The following ADAMTS17 variants were observed in gnomAD, a reference collection of about 807,000 sequenced individuals.
ADAMTS17 encodes the protein ADAM metallopeptidase with thrombospondin type 1 motif 17.
A neutral mutation model predicts 141.5 loss-of-function variants in ADAMTS17; 113 were observed. That is an observed-to-expected ratio of 0.80 (90% CI 0.69 to 0.93). ADAMTS17 has a LOEUF of 0.93. ADAMTS17 is among the 40% of genes least tolerant of loss of function. The pLI, the probability that ADAMTS17 is intolerant of heterozygous loss-of-function variation, is 0.00. For missense variants in ADAMTS17, 1,659 were observed against 1,517.9 expected, an observed-to-expected ratio of 1.09 and a Z score of -1.54; for synonymous variants, 768 against 630.6, an observed-to-expected ratio of 1.22 and a Z score of -3.27.
chr15:100,299,699 T>C (rs1228293165), intron 3 of ADAMTS17, among the ~76,000 whole-genome samples: 2 of 152,176 alleles, frequency 1.3e-5, no homozygotes, highest in East Asian at 1.9e-4. Context: ...TGGTCTTTCA[T>C]CTTTGACAAG....
At chr15:100,190,952 C>T (rs552384927) in intron 8 of ADAMTS17, among the ~76,000 whole-genome samples, 30 of 152,270 alleles carry the variant, frequency 2.0e-4, no homozygotes, top group South Asian at 8.3e-4. Flanking sequence ...GGCCACATAG[C>T]GCCGTGGGAA....
chr15:100,084,129 G>C (rs377552688), intron 15 of ADAMTS17, among the ~76,000 whole-genome samples: 1 of 152,048 alleles, frequency 6.6e-6, no homozygotes, highest in Admixed American at 6.5e-5. Flanking sequence ...CTGGAAAATC[G>C]GGTCACTCCC....
intron 7 of ADAMTS17, among the ~76,000 whole-genome samples, chr15:100,225,988 T>G (rs964015417): frequency 7.0e-6 from 1 of 143,454 alleles, no homozygotes; most frequent in Non-Finnish European, 1.5e-5. Flanking sequence ...TCAGTCCTTA[T>G]AGCAGTCATA....
chr15:100,099,876 C>T (rs962425897), intron 14 of ADAMTS17, among the ~76,000 whole-genome samples: 1 of 152,162 alleles, frequency 6.6e-6, no homozygotes, highest in African/African-American at 2.4e-5. Flanking sequence ...GAGGAGGGCA[C>T]AGGATGGGCC....
rs187948570 is a variant in ADAMTS17, at chr15:100,319,167, G to A, written c.616+11722C>T. 5.0e-3 allele frequency among the ~76,000 whole-genome samples: 760 copies of A among 152,326 alleles called. 6 individuals are homozygous for A. The highest frequency in any genetic ancestry group is 0.01 in the Middle Eastern group (3 of 294). On this transcript the variant is annotated intron_variant, in intron 3 of 21. Coordinates refer to ENST00000268070, the MANE Select transcript of ADAMTS17 (RefSeq NM_139057.4). ...CCAAAGAGGGTAGAATAGCACTGGGGGCAGGGGGTGGCCTTGAGCCAAGGC... is the reference window on the plus strand; with the variant it reads ...CCAAAGAGGGTAGAATAGCACTGGGAGCAGGGGGTGGCCTTGAGCCAAGGC...
intron 2 of ADAMTS17, among the ~76,000 whole-genome samples, chr15:100,336,449 T>C (rs1893089572): frequency 6.6e-6 from 1 of 152,230 alleles, no homozygotes; most frequent in African/African-American, 2.4e-5. Context: ...TCTTTGCCCT[T>C]CTTCCATTCC....
At position 100,116,936 on chromosome 15, in the gene ADAMTS17, C is replaced by G; in HGVS notation, c.1799G>C (p.Gly600Ala). ...CTGCTGGTCCCGGAAGCTGGGCAGA[C>G]CCTTGGGGCAGGGCAGGTTCTCGCA... ...AVCENLPCPKGLPSFRDQQCQ... is the reference protein window; with the variant it reads ...AVCENLPCPKALPSFRDQQCQ... The change falls in exon 13 of 22, where the codon GGT becomes GCT. Residue 600 changes from glycine to alanine, a missense_variant. Gly to Ala is a moderately conservative substitution (Grantham distance 60, BLOSUM62 0). Coordinates refer to ENST00000268070, the MANE Select transcript of ADAMTS17 (RefSeq NM_139057.4). 1.2e-6 allele frequency: 2 copies of G among 1,614,150 alleles called. No homozygotes were observed. Among genetic ancestry groups the G allele is most frequent in the Non-Finnish European group, 1.7e-6 (2 of 1,180,034 alleles).
chr15:100,080,971 G>C (rs8033796), intron 15 of ADAMTS17, among the ~76,000 whole-genome samples: 1,760 of 152,258 alleles, frequency 0.012, 40 homozygotes, highest in African/African-American at 0.041. Flanking sequence ...GGGTGGACTT[G>C]TGATGGTTGA....
In ADAMTS17 at chr15:99,975,861, T is replaced by C. The variant is rs1227512269; in HGVS notation, c.3127+184A>G. ...GAGACAGCAGTAAGCAAACACCACT[T>C]CCATAACAAGGAATGGAATCCATCT... is the stretch of plus-strand genomic sequence containing the variant. On this transcript the variant is annotated intron_variant, in intron 21 of 21. Coordinates refer to ENST00000268070, the MANE Select transcript of ADAMTS17 (RefSeq NM_139057.4). 3.4e-5 allele frequency among the ~76,000 whole-genome samples: 4 copies of C among 119,234 alleles called. No homozygotes were observed. In the Admixed American group the frequency reaches 3.4e-4, roughly 10 times the overall value. The allele number at this position is 119,234 out of a possible 152,430, so 78.2% of individuals were successfully genotyped here.
intron 8 of ADAMTS17, among the ~76,000 whole-genome samples, chr15:100,168,048 G>C (rs1242860219): frequency 6.6e-6 from 1 of 152,210 alleles, no homozygotes; most frequent in Non-Finnish European, 1.5e-5. Flanking sequence ...GACGAACAAG[G>C]CGGGTACGTG....
intron 7 of ADAMTS17, among the ~76,000 whole-genome samples, chr15:100,204,189 T>A (rs905327491): frequency 1.5e-4 from 23 of 152,212 alleles, no homozygotes; most frequent in African/African-American, 5.3e-4. Flanking sequence ...TCTCTAGACT[T>A]AAGGAATAAA....
intron 7 of ADAMTS17, among the ~76,000 whole-genome samples, chr15:100,225,125 C>T (rs1429626678): frequency 6.6e-6 from 1 of 152,246 alleles, no homozygotes; most frequent in Non-Finnish European, 1.5e-5. Context: ...CCTCCAGTTG[C>T]AGCAAAACAT....
chr15:100,203,032 A>G (rs1197341102), intron 7 of ADAMTS17, among the ~76,000 whole-genome samples: 1 of 152,218 alleles, frequency 6.6e-6, no homozygotes, highest in Non-Finnish European at 1.5e-5. Flanking sequence ...TCGTAACAAA[A>G]CGGAGGCAGA....
At chr15:99,991,876 C>T (rs1321078187) in intron 20 of ADAMTS17, among the ~76,000 whole-genome samples, 2 of 152,122 alleles carry the variant, frequency 1.3e-5, no homozygotes, top group Non-Finnish European at 2.9e-5. Context: ...TTTGCAGGGA[C>T]ATGGATGAAG....
intron 12 of ADAMTS17, among the ~76,000 whole-genome samples, chr15:100,122,928 T>C (rs2037523458): frequency 6.6e-6 from 1 of 152,176 alleles, no homozygotes; most frequent in African/African-American, 2.4e-5. Flanking sequence ...GAGTCAACTG[T>C]ACCTTGGTCC....
intron 14 of ADAMTS17, among the ~76,000 whole-genome samples, chr15:100,100,770 T>G (rs1241389210): frequency 2.0e-5 from 3 of 152,110 alleles, no homozygotes; most frequent in Admixed American, 6.5e-5. Context: ...AAAAGAGAGA[T>G]AAGATCTGTG....
intron 3 of ADAMTS17, among the ~76,000 whole-genome samples, chr15:100,281,956 A>C (rs2044300222): frequency 6.6e-6 from 1 of 152,210 alleles, no homozygotes. Context: ...CATACGACCC[A>C]CATCCAGGCT....
chr15:100,212,126 G>A (rs1484117935), intron 7 of ADAMTS17, among the ~76,000 whole-genome samples: 1 of 152,168 alleles, frequency 6.6e-6, no homozygotes, highest in African/African-American at 2.4e-5. Context: ...CCCACGAAGG[G>A]ATACTATTAT....
At chr15:100,053,814 A>C (rs2032330546) in intron 16 of ADAMTS17, 83 bp downstream of exon 16, 1 of 1,607,078 alleles carries the variant, frequency 6.2e-7, no homozygotes, top group African/African-American at 1.3e-5. Context: ...CCGAGGTCCC[A>C]GGCAGAAGTA....
Sources: gnomAD v4.1 joint callset for allele counts (sites outside exome capture counted in the v4.1 genomes callset) on GRCh38, gnomAD v4.1.1 for gene constraint, MANE v1.5 for transcripts, NCBI Gene and HGNC (gene_info 2026-07-23, HGNC 2026-07-21) for gene names.